The following TTC39A variants were observed in gnomAD, a reference collection of about 807,000 sequenced individuals.
TTC39A encodes the protein tetratricopeptide repeat protein 39A.
In TTC39A, 46 loss-of-function variants were observed where a neutral mutation model predicts 82.3. That is an observed-to-expected ratio of 0.56 (90% confidence interval 0.44 to 0.71). TTC39A has a LOEUF of 0.71. Ranked by LOEUF, TTC39A falls within the 30% of genes least tolerant of loss-of-function variation. TTC39A has a pLI of 0.00. For missense variants in TTC39A, 543 were observed against 712.9 expected (o/e 0.76, Z 2.71); for synonymous variants, 254 against 275.2 (o/e 0.92, Z 0.76).
At chr1:51,316,229 C>G (rs1645278552) in intron 2 of TTC39A, among the ~76,000 whole-genome samples, 1 of 152,220 alleles carries the variant, frequency 6.6e-6, no homozygotes, top group African/African-American at 2.4e-5. Flanking sequence ...GAACCAGTGA[C>G]AGGTGCCCAA....
rs1187198226 is a variant in TTC39A, at chr1:51,288,291, G to A, written c.1611-11C>T. On this transcript the variant is annotated splice_polypyrimidine_tract_variant and intron_variant, in intron 17 of 17. Coordinates refer to ENST00000680483, the MANE Select transcript of TTC39A (RefSeq NM_001297663.2). This position sits in a 1 kb window ranked among gnomAD's most constrained non-coding sequence, Gnocchi z 4.8. Reference sequence around the variant, plus strand: ...TTCTTGTAGTTTTGCCTGGAATTGAGCAGCGAATCAGACACATGAGGCTGC... The same window carrying A: ...TTCTTGTAGTTTTGCCTGGAATTGAACAGCGAATCAGACACATGAGGCTGC... The A allele has an allele frequency of 9.9e-6, 16 of 1,613,826 alleles. No homozygotes were observed. The East Asian group carries it at 1.6e-4, about 16-fold the overall frequency.
intron 1 of TTC39A, chr1:51,322,164 G>C (rs1387167964): frequency 6.5e-6 from 10 of 1,549,836 alleles, no homozygotes; most frequent in Non-Finnish European, 7.9e-6. Context: ...TGGCCCATTG[G>C]GCTCTGCTGC....
intron 5 of TTC39A, 78 bp downstream of exon 5, chr1:51,311,176 C>T: frequency 7.1e-7 from 1 of 1,403,574 alleles, no homozygotes; most frequent in Non-Finnish European, 9.7e-7. Context: ...CACAGTTGCT[C>T]TAGGGGATGG....
At chr1:51,343,800 T>G (rs1197324827) in intron 1 of TTC39A, among the ~76,000 whole-genome samples, 1 of 152,218 alleles carries the variant, frequency 6.6e-6, no homozygotes, top group Non-Finnish European at 1.5e-5. Context: ...CCTTTATTTA[T>G]ATAGAGATAG....
chr1:51,326,788 G>A lies in TTC39A; in HGVS notation c.41+3649C>T, dbSNP rs571394126. Among the ~76,000 whole-genome samples, 78 of 152,282 alleles carry A rather than the reference G, an allele frequency of 5.1e-4. No individual in the cohort carries two copies. The South Asian group carries it at 5.2e-3, about 10-fold the overall frequency. On this transcript the variant is annotated intron_variant, in intron 1 of 17. Coordinates refer to ENST00000680483, the MANE Select transcript of TTC39A (RefSeq NM_001297663.2). ...CCATTTCTCCACAGGCTGCCCCTGCGTCTCCAAGACCTTTCTTTTCCAAGG... is the reference window on the plus strand; with the variant it reads ...CCATTTCTCCACAGGCTGCCCCTGCATCTCCAAGACCTTTCTTTTCCAAGG...
At chr1:51,342,041 C>G (rs1483089105) in intron 1 of TTC39A, among the ~76,000 whole-genome samples, 5 of 152,238 alleles carry the variant, frequency 3.3e-5, no homozygotes, top group Admixed American at 6.5e-5. Context: ...ATCTGCCACT[C>G]AATTACTCTC....
chr1:51,296,179 G>C lies in TTC39A; in HGVS notation c.1054-9C>G, dbSNP rs772554717. ...ATGTAAATGTAGGTGGCCTGTGCGA[G>C]ACAGAGCAACAGCCAGGTGTGAGCA... On this transcript the variant is annotated splice_polypyrimidine_tract_variant and intron_variant, in intron 12 of 17. Transcript: ENST00000680483. The C allele has an allele frequency of 1.3e-5, 21 of 1,580,514 alleles. No individual in the cohort carries two copies. Among genetic ancestry groups the C allele is most frequent in the Non-Finnish European group, 1.7e-5 (20 of 1,163,226 alleles).
chr1:51,295,907 G>A, intron 13 of TTC39A, 172 bp downstream of exon 13: 1 of 653,120 alleles, frequency 1.5e-6, no homozygotes, highest in Non-Finnish European at 2.8e-6. Context: ...GCAGCATGGG[G>A]TGGTGATGGG....
At chr1:51,327,315 C>A (rs569014763) in intron 1 of TTC39A, among the ~76,000 whole-genome samples, 1 of 152,192 alleles carries the variant, frequency 6.6e-6, no homozygotes, top group Non-Finnish European at 1.5e-5. Context: ...TTTGGCTCAA[C>A]GAGTAAAATA....
rs1377974892 is a variant in TTC39A, at chr1:51,322,572, GTAAATGAA to G, written c.42-755_42-748del. On this transcript the variant is annotated intron_variant, in intron 1 of 17. Coordinates refer to ENST00000680483, the MANE Select transcript of TTC39A (RefSeq NM_001297663.2). ...TAGGCTTTTAATAAATATCTGTTAG[GTAAATGAA>G]TGAATGAATGAATGAATGAATGAAT... is the stretch of plus-strand genomic sequence containing the variant. Among the ~76,000 whole-genome samples the G allele has an allele frequency of 5.3e-4, 56 of 104,962 alleles. 2 individuals carry two copies. The highest frequency in any genetic ancestry group is 1.3e-3 in the African/African-American group (39 of 29,054). 68.9% of individuals were successfully genotyped at this position (104,962 alleles called of 152,430 possible). A position where few individuals can be genotyped will look rare whatever the true frequency, so the allele number is the denominator to read the frequency against.
chr1:51,312,928 C>A lies in TTC39A; in HGVS notation c.162G>T (p.Met54Ile). The A allele has an allele frequency of 1.2e-6, 2 of 1,613,656 alleles. No individual in the cohort carries two copies. The highest frequency in any genetic ancestry group is 1.7e-6 in the Non-Finnish European group (2 of 1,179,652). ...TGGTGGCATATGTCAGTGAGTGGTA[C>A]ATGCTTTCCTTGGTTCTGCCAAAGA... The part of the protein sequence containing the change: ...SYLKPRTKES[M>I]YHSLTYATIL... The change falls in exon 3 of 18, where the codon ATG (methionine) becomes ATT (isoleucine). Residue 54 changes from methionine to isoleucine, a missense_variant. Physicochemically the swap from Met to Ile is conservative, Grantham distance 10 (BLOSUM62 1). Coordinates refer to ENST00000680483, the MANE Select transcript of TTC39A (RefSeq NM_001297663.2).
intron 2 of TTC39A, among the ~76,000 whole-genome samples, chr1:51,318,844 CCCACCAACT>C (rs1436524264): frequency 6.6e-6 from 1 of 152,102 alleles, no homozygotes; most frequent in Non-Finnish European, 1.5e-5. Context: ...CAAAGCCAAC[CCCACCAACT>C]ACAAGGCAGC....
chr1:51,294,858 C>T lies in TTC39A; in HGVS notation c.1146-347G>A, dbSNP rs1644355045. Reference sequence around the variant, plus strand: ...TGGGGAGGATCCAAGAGAAGTTTAACCCCAATTTCACAGGAGAGACCAACA... The same window carrying T: ...TGGGGAGGATCCAAGAGAAGTTTAATCCCAATTTCACAGGAGAGACCAACA... On this transcript the variant is annotated intron_variant, in intron 13 of 17. Transcript: ENST00000680483. The surrounding 1 kb of genome is among the most constrained non-coding windows in gnomAD (Gnocchi z 4.3). Among the ~76,000 whole-genome samples the T allele has an allele frequency of 6.6e-6, 1 of 152,214 alleles. No homozygotes were observed. The highest frequency in any genetic ancestry group is 2.4e-5 in the African/African-American group (1 of 41,450).
chr1:51,290,440 T>C, intron 15 of TTC39A, 74 bp downstream of exon 15: 2 of 1,356,736 alleles, frequency 1.5e-6, no homozygotes, highest in Non-Finnish European at 2.0e-6. Flanking sequence ...AGGAAGGACA[T>C]TTTTGGCAGA....
At chr1:51,295,637 TC>T (rs1292916581) in intron 13 of TTC39A, 2 of 179,730 alleles carry the variant, frequency 1.1e-5, no homozygotes, top group African/African-American at 4.6e-5. Flanking sequence ...GCTGAAGTTG[TC>T]CAAGGTGACA....
intron 12 of TTC39A, chr1:51,298,359 C>T (rs1171160398): frequency 6.6e-6 from 1 of 152,642 alleles, no homozygotes; most frequent in Non-Finnish European, 1.5e-5. Context: ...CCTCCAGGAC[C>T]TGCCCTAACC....
At chr1:51,344,667 C>T (rs1052533675) in intron 1 of TTC39A, among the ~76,000 whole-genome samples, 16 of 152,242 alleles carry the variant, frequency 1.1e-4, no homozygotes, top group African/African-American at 3.9e-4. Flanking sequence ...GCAGACGCCG[C>T]TGCCCAAACC....
chr1:51,343,532 G>A (rs533751930), intron 1 of TTC39A, among the ~76,000 whole-genome samples: 1 of 152,232 alleles, frequency 6.6e-6, no homozygotes, highest in East Asian at 1.9e-4. Flanking sequence ...ATTTTACTGG[G>A]CATAACATTG....
chr1:51,306,858 C>T (rs1258101350), intron 6 of TTC39A, among the ~76,000 whole-genome samples: 2 of 106,046 alleles, frequency 1.9e-5, no homozygotes, highest in East Asian at 3.7e-4. Flanking sequence ...GACAGACCCC[C>T]CCCCCCCGCC....
Sources: allele counts gnomAD v4.1 joint callset (sites outside exome capture counted in the v4.1 genomes callset), GRCh38; gene constraint gnomAD v4.1.1; non-coding constraint Gnocchi (gnomAD v3.1); transcripts MANE v1.5; gene names NCBI Gene and HGNC (gene_info 2026-07-23, HGNC 2026-07-21).